The following ANKS1B variants were observed in gnomAD, a reference collection of about 807,000 sequenced individuals.
ANKS1B encodes ankyrin repeat and sterile alpha motif domain-containing protein 1B.
In ANKS1B, 36 loss-of-function variants were observed where a neutral mutation model predicts 148.3. The ratio of observed to expected loss-of-function variants is 0.24; its 90% CI spans 0.19 to 0.32. The LOEUF is 0.32. Ranked by LOEUF, ANKS1B falls within the 10% of genes least tolerant of loss-of-function variation. The pLI is 1.00. For missense variants in ANKS1B, 1,157 were observed against 1,542.6 expected, an observed-to-expected ratio of 0.75 and a Z score of 4.19; for synonymous variants, 542 against 560.8, an observed-to-expected ratio of 0.97 and a Z score of 0.47.
At chr12:98,794,984 C>T (rs2098934707) in intron 22 of ANKS1B, 3 of 1,020,400 alleles carry the variant, frequency 2.9e-6, no homozygotes, top group Non-Finnish European at 4.6e-6. Flanking sequence ...TCTCTGTAAC[C>T]ATTTCTTTTA....
rs529909255 is a variant in ANKS1B at position 99,722,965 on chromosome 12, G to A, written c.1128+49957C>T. Among the ~76,000 whole-genome samples, 3 of 152,358 alleles carry A rather than the reference G, an allele frequency of 2.0e-5. No homozygotes were observed. The East Asian group carries it at 5.8e-4, about 29-fold the overall frequency. On this transcript the variant is annotated intron_variant, in intron 8 of 26. Coordinates refer to ENST00000683438, the MANE Select transcript of ANKS1B (RefSeq NM_001352186.2). ...CCCCCCGCCAAGGGAGGTGATGAGT[G>A]AGTGTGCCATCCAGCCTGGGAAACC...
intron 12 of ANKS1B, among the ~76,000 whole-genome samples, chr12:99,317,929 G>C (rs975520597): frequency 6.6e-6 from 1 of 152,016 alleles, no homozygotes; most frequent in African/African-American, 2.4e-5. Flanking sequence ...TAATCATGTG[G>C]TTTTTGTCTT....
chr12:99,355,337 T>C (rs1009850496), intron 12 of ANKS1B, among the ~76,000 whole-genome samples: 4 of 152,150 alleles, frequency 2.6e-5, no homozygotes, highest in African/African-American at 9.7e-5. Flanking sequence ...GCAATTCACT[T>C]TAACAATTAC....
At chr12:99,894,622 T>A (rs1163459379) in intron 1 of ANKS1B, among the ~76,000 whole-genome samples, 2 of 150,844 alleles carry the variant, frequency 1.3e-5, no homozygotes, top group African/African-American at 4.8e-5. Context: ...CAACAGAAAC[T>A]ATACCTATAC....
intron 14 of ANKS1B, among the ~76,000 whole-genome samples, chr12:99,225,870 T>A (rs1261935904): frequency 6.6e-6 from 1 of 152,242 alleles, no homozygotes; most frequent in Non-Finnish European, 1.5e-5. Context: ...GGACTTCACC[T>A]TGTGATCATG....
chr12:99,653,776 A>G (rs1311948480), intron 9 of ANKS1B, among the ~76,000 whole-genome samples: 2 of 145,980 alleles, frequency 1.4e-5, no homozygotes, highest in Non-Finnish European at 3.0e-5. Context: ...TCAACCTCCC[A>G]TCTCAGCCTC....
chr12:99,496,360 T>C (rs1332311471), intron 10 of ANKS1B, among the ~76,000 whole-genome samples: 1 of 152,228 alleles, frequency 6.6e-6, no homozygotes, highest in African/African-American at 2.4e-5. Context: ...AAACATAATA[T>C]CCATCCATTC....
At chr12:99,648,166 A>G in intron 9 of ANKS1B, 1 of 1,606,584 alleles carries the variant, frequency 6.2e-7, no homozygotes, top group Non-Finnish European at 8.5e-7. Context: ...TCTTGATTTA[A>G]AGGAAGACAT....
At chr12:99,039,465 G>A (rs979942166) in intron 17 of ANKS1B, among the ~76,000 whole-genome samples, 1 of 152,204 alleles carries the variant, frequency 6.6e-6, no homozygotes, top group Non-Finnish European at 1.5e-5. Flanking sequence ...CCGAAGTCAG[G>A]TCTTCAAGGA....
At chr12:99,327,638 T>C (rs911297509) in intron 12 of ANKS1B, among the ~76,000 whole-genome samples, 11 of 149,574 alleles carry the variant, frequency 7.4e-5, no homozygotes, top group African/African-American at 2.2e-4. Context: ...CCCCCCCATA[T>C]ATATATGCCA....
chr12:99,479,301 C>T lies in ANKS1B; in HGVS notation c.1438+25175G>A, dbSNP rs118026398. ...GAATTAAGTTGACTTTGAAATATAA[C>T]CATTTCAACTTTAAAATTATGTCTG... On this transcript the variant is annotated intron_variant, in intron 10 of 26. Transcript: ENST00000683438. 6.4e-4 allele frequency among the ~76,000 whole-genome samples: 98 copies of T among 152,076 alleles called. No homozygotes were observed. In the East Asian group the frequency reaches 0.018, roughly 28 times the overall value.
chr12:99,396,438 A>G (rs2152565907), intron 12 of ANKS1B, among the ~76,000 whole-genome samples: 1 of 152,336 alleles, frequency 6.6e-6, no homozygotes, highest in East Asian at 1.9e-4. Context: ...TCACATTATT[A>G]CTAAATATCA....
At chr12:99,708,501 CA>C (rs1567687744) in intron 8 of ANKS1B, among the ~76,000 whole-genome samples, 1 of 152,114 alleles carries the variant, frequency 6.6e-6, no homozygotes, top group Non-Finnish European at 1.5e-5. Context: ...CAAGGTGCCA[CA>C]AGGGCTGCCT....
At chr12:99,491,671 T>C (rs2096556742) in intron 10 of ANKS1B, among the ~76,000 whole-genome samples, 1 of 152,100 alleles carries the variant, frequency 6.6e-6, no homozygotes, top group South Asian at 2.1e-4. Flanking sequence ...CACCCAATTT[T>C]AAGTGAGAAC....
At chr12:99,591,852 A>G (rs1178292275) in intron 9 of ANKS1B, among the ~76,000 whole-genome samples, 2 of 152,164 alleles carry the variant, frequency 1.3e-5, no homozygotes, top group Non-Finnish European at 2.9e-5. Flanking sequence ...GCCCCTCTAC[A>G]TAAATGGATA....
chr12:98,973,131 G>A (rs1262626791), intron 17 of ANKS1B, among the ~76,000 whole-genome samples: 4 of 151,248 alleles, frequency 2.6e-5, no homozygotes, highest in Non-Finnish European at 5.9e-5. Flanking sequence ...CACTAGCCAT[G>A]TTCAAATACT....
intron 17 of ANKS1B, among the ~76,000 whole-genome samples, chr12:98,863,129 T>C (rs2099607779): frequency 6.6e-6 from 1 of 152,252 alleles, no homozygotes; most frequent in African/African-American, 2.4e-5. Flanking sequence ...TACAGATATT[T>C]TCACGGACAC....
intron 17 of ANKS1B, among the ~76,000 whole-genome samples, chr12:98,966,140 A>G (rs930511849): frequency 2.0e-5 from 3 of 152,190 alleles, no homozygotes; most frequent in Non-Finnish European, 2.9e-5. Context: ...AATTTTTGCA[A>G]TCTACTCATC....
intron 12 of ANKS1B, among the ~76,000 whole-genome samples, chr12:99,373,303 C>A (rs2152479244): frequency 6.6e-6 from 1 of 152,134 alleles, no homozygotes; most frequent in South Asian, 2.1e-4. Context: ...TTGGAAGATA[C>A]AGAAATAAAT....
Sources: allele counts gnomAD v4.1 joint callset (sites outside exome capture counted in the v4.1 genomes callset), GRCh38; gene constraint gnomAD v4.1.1; transcripts MANE v1.5; gene names NCBI Gene and HGNC (gene_info 2026-07-23, HGNC 2026-07-21).